DRC10: variants seen among roughly 807,000 people sequenced by gnomAD.
The protein encoded by DRC10 is IQ domain-containing protein D.
the DRC10 span, among the ~76,000 whole-genome samples, chr12:113,218,937 A>T: frequency 6.6e-6 from 1 of 152,218 alleles, no homozygotes; most frequent in African/African-American, 2.4e-5. Flanking sequence ...GTTGCTAAGA[A>T]CATTTATATT....
At chr12:113,207,967 G>T in the DRC10 span, 2 of 1,614,186 alleles carry the variant, frequency 1.2e-6, no homozygotes, top group Non-Finnish European at 1.7e-6. Flanking sequence ...CGACAGCAAG[G>T]TCACCAGCTC....
At chr12:113,203,044 T>C in the DRC10 span, 1 of 455,030 alleles carries the variant, frequency 2.2e-6, no homozygotes, top group African/African-American at 2.0e-5. Flanking sequence ...CTTTTTTTTT[T>C]GAGACAGGGT....
the DRC10 span, chr12:113,207,714 GGA>G: frequency 1.2e-6 from 2 of 1,614,142 alleles, no homozygotes; most frequent in Non-Finnish European, 1.7e-6. Flanking sequence ...CGTTCTTGGT[GGA>G]GTCTTTGATC....
the DRC10 span, chr12:113,208,041 G>A: frequency 1.1e-5 from 17 of 1,614,102 alleles, no homozygotes; most frequent in African/African-American, 2.1e-4. Context: ...TGGTGAGTTT[G>A]GTCCTAGAGA....
At chr12:113,207,965 AG>A in the DRC10 span, 1 of 1,614,164 alleles carries the variant, frequency 6.2e-7, no homozygotes, top group South Asian at 1.1e-5. Flanking sequence ...TACGACAGCA[AG>A]GTCACCAGCT....
the DRC10 span, chr12:113,203,141 T>C: frequency 5.6e-4 from 228 of 409,272 alleles, 1 homozygote; most frequent in African/African-American, 4.5e-3. Flanking sequence ...TCCTCCCACC[T>C]CAGCTTCCTG....
At chr12:113,195,619 TCTC>T in the DRC10 span, 29 of 1,611,072 alleles carry the variant, frequency 1.8e-5, no homozygotes, top group South Asian at 2.8e-4. Flanking sequence ...TGCTTGCCCT[TCTC>T]CTTGTCCTTT....
the DRC10 span, chr12:113,197,656 C>G: frequency 2.5e-6 from 3 of 1,223,320 alleles, no homozygotes; most frequent in African/African-American, 1.5e-5. Flanking sequence ...AATATATTAA[C>G]AATCAACAGC....
the DRC10 span, among the ~76,000 whole-genome samples, chr12:113,197,020 GTGAC>G: frequency 2.6e-5 from 4 of 152,206 alleles, no homozygotes; most frequent in Admixed American, 2.0e-4. Context: ...AACTGGCTGA[GTGAC>G]TGAGTGATGC....
the DRC10 span, among the ~76,000 whole-genome samples, chr12:113,205,828 G>C: frequency 2.7e-5 from 4 of 148,346 alleles, no homozygotes; most frequent in African/African-American, 7.5e-5. Context: ...AGCGGAGCTT[G>C]CAGTGAGCCG....
the DRC10 span, among the ~76,000 whole-genome samples, chr12:113,204,024 T>C: frequency 6.6e-6 from 1 of 152,184 alleles, no homozygotes; most frequent in East Asian, 1.9e-4. Context: ...GGAGATTGCT[T>C]GAGCCCAGGA....
the DRC10 span, chr12:113,203,073 TG>T: frequency 4.4e-6 from 2 of 452,780 alleles, no homozygotes; most frequent in Admixed American, 4.8e-5. Context: ...GCAGCCAGGC[TG>T]GAGTACAGTG....
At chr12:113,216,194 T>G in the DRC10 span, among the ~76,000 whole-genome samples, 2 of 152,152 alleles carry the variant, frequency 1.3e-5, no homozygotes, top group Non-Finnish European at 2.9e-5. Context: ...TTATTCAGTG[T>G]TAAAAAGAAA....
At chr12:113,216,443 A>G in the DRC10 span, among the ~76,000 whole-genome samples, 1 of 152,226 alleles carries the variant, frequency 6.6e-6, no homozygotes, top group African/African-American at 2.4e-5. Flanking sequence ...CCTTACTACA[A>G]TGATGGATAC....
the DRC10 span, among the ~76,000 whole-genome samples, chr12:113,218,098 C>T: frequency 6.6e-6 from 1 of 151,998 alleles, no homozygotes; most frequent in Non-Finnish European, 1.5e-5. Context: ...AATTTTCTCA[C>T]CCAAAACATC....
the DRC10 span, among the ~76,000 whole-genome samples, chr12:113,201,427 G>T: frequency 6.6e-6 from 1 of 152,230 alleles, no homozygotes; most frequent in Non-Finnish European, 1.5e-5. Flanking sequence ...ACGAGTGAAG[G>T]GTACAAGCTT....
chr12:113,217,782 T>G, the DRC10 span, among the ~76,000 whole-genome samples: 1 of 152,238 alleles, frequency 6.6e-6, no homozygotes, highest in Non-Finnish European at 1.5e-5. Flanking sequence ...TCCACCTTCC[T>G]TGGCCTCCCA....
the DRC10 span, chr12:113,195,786 C>T: frequency 5.9e-5 from 95 of 1,613,848 alleles, no homozygotes; most frequent in African/African-American, 2.1e-4. Context: ...CCGCTCTTCC[C>T]GGATCTGCGC....
At chr12:113,207,990 C>A in the DRC10 span, 9 of 1,614,044 alleles carry the variant, frequency 5.6e-6, no homozygotes, top group African/African-American at 4.0e-5. Flanking sequence ...CCTTGTAGAT[C>A]GCCTCATCCA....
Sources: allele counts gnomAD v4.1 joint callset (sites outside exome capture counted in the v4.1 genomes callset), GRCh38; gene constraint gnomAD v4.1.1; transcripts MANE v1.5; gene names NCBI Gene and HGNC (gene_info 2026-07-23, HGNC 2026-07-21).